The following ARAP2 variants were observed in gnomAD, a reference collection of about 807,000 sequenced individuals.
The protein encoded by ARAP2 is ArfGAP with RhoGAP domain, ankyrin repeat and PH domain 2, also known as arf-GAP with Rho-GAP domain, ANK repeat and PH domain-containing protein 2.
In ARAP2, 148 loss-of-function variants were observed where a neutral mutation model predicts 194.5. That is an observed-to-expected ratio of 0.76 (90% confidence interval 0.67 to 0.87). The LOEUF is 0.87. Among genes scored for constraint, ARAP2 ranks in the 40% least tolerant of loss-of-function variants. ARAP2 has a pLI of 0.00. For synonymous variants in ARAP2, 695 were observed against 683.5 expected (o/e 1.02, Z -0.26); for missense variants, 2,128 against 1,989.7 (o/e 1.07, Z -1.32).
intron 10 of ARAP2, 87 bp downstream of exon 10, chr4:36,166,845 G>A (rs1018457880): frequency 8.9e-6 from 6 of 671,630 alleles, no homozygotes; most frequent in East Asian, 3.0e-5. Context: ...TGGCCTACAA[G>A]AGAAAAATCA....
At chr4:36,194,649 G>A (rs927944235) in intron 6 of ARAP2, among the ~76,000 whole-genome samples, 57 of 152,226 alleles carry the variant, frequency 3.7e-4, no homozygotes, top group African/African-American at 1.2e-3. Flanking sequence ...CATCTATTAT[G>A]CAAGTGAAAC....
chr4:36,039,753 T>C (rs938145461), intron 5 of ARAP2, among the ~76,000 whole-genome samples: 1 of 152,130 alleles, frequency 6.6e-6, no homozygotes, highest in Non-Finnish European at 1.5e-5. Context: ...AGCAAGTCAC[T>C]GTGATAAAGG....
At chr4:36,070,160 GCC>G (rs1726490871) in intron 32 of ARAP2, among the ~76,000 whole-genome samples, 12 of 152,094 alleles carry the variant, frequency 7.9e-5, no homozygotes, top group Admixed American at 5.9e-4. Context: ...TATAATATTA[GCC>G]TAAATTATGT....
chr4:36,092,549 G>A (rs1714011081), intron 27 of ARAP2, among the ~76,000 whole-genome samples: 1 of 152,186 alleles, frequency 6.6e-6, no homozygotes, highest in African/African-American at 2.4e-5. Flanking sequence ...GGCAGAGGTT[G>A]CAGTGAGCTG....
intron 2 of ARAP2, among the ~76,000 whole-genome samples, chr4:36,226,516 C>T (rs1010235176): frequency 6.6e-6 from 1 of 151,926 alleles, no homozygotes; most frequent in Non-Finnish European, 1.5e-5. Context: ...TAAGCCCCCC[C>T]CCACATAATT....
At chr4:36,116,205 T>C (rs921584880) in intron 25 of ARAP2, among the ~76,000 whole-genome samples, 4 of 151,974 alleles carry the variant, frequency 2.6e-5, no homozygotes, top group African/African-American at 7.2e-5. Context: ...TAATGGTGTA[T>C]AGTTACAATT....
At chr4:36,147,795 TCCC>T in intron 17 of ARAP2, 49 bp from the exon 18 acceptor site, 4 of 1,423,350 alleles carry the variant, frequency 2.8e-6, no homozygotes, top group Non-Finnish European at 3.8e-6. Context: ...AAATAGGAAA[TCCC>T]TTCCCTATCT....
chr4:36,243,479 T>C (rs977039978), intron 1 of ARAP2: 1 of 152,050 alleles, frequency 6.6e-6, no homozygotes, highest in Non-Finnish European at 1.5e-5. Flanking sequence ...CTTATTTTCT[T>C]GTGTTTTCCT....
rs753281849 is a variant in ARAP2 at position 36,210,510 on chromosome 4, G to C, written c.1367C>G (p.Thr456Arg). 6.2e-7 allele frequency: 1 copy of C among 1,613,816 alleles called. No individual in the cohort carries two copies. Among genetic ancestry groups the C allele is most frequent in the Admixed American group, 1.7e-5 (1 of 60,006 alleles). ...VNRHSYPLSSTSGNADSSAVS... is the reference protein window; with the variant it reads ...VNRHSYPLSSRSGNADSSAVS... ...GGCTGATGAATCAGCATTTCCACTT[G>C]TTGAGCTTAACGGATAACTGTGCCT... is the stretch of plus-strand genomic sequence containing the variant. The change falls in exon 6 of 33, where the codon ACA (threonine) becomes AGA (arginine). Residue 456 changes from threonine to arginine, a missense_variant. Coordinates refer to ENST00000303965, the MANE Select transcript of ARAP2 (RefSeq NM_015230.4).
chr4:36,186,947 A>G (rs1251239451), intron 8 of ARAP2, among the ~76,000 whole-genome samples: 4 of 152,258 alleles, frequency 2.6e-5, no homozygotes, highest in African/African-American at 7.2e-5. Flanking sequence ...AACACACAAT[A>G]AATGTAATGT....
intron 6 of ARAP2, among the ~76,000 whole-genome samples, chr4:36,203,094 T>C (rs1283895799): frequency 6.6e-6 from 1 of 152,172 alleles, no homozygotes; most frequent in Non-Finnish European, 1.5e-5. Context: ...CCTTCTCCCC[T>C]ACTTCTCACT....
intron 2 of ARAP2, among the ~76,000 whole-genome samples, chr4:36,215,618 G>T (rs767574582): frequency 2.0e-5 from 3 of 152,080 alleles, no homozygotes; most frequent in African/African-American, 7.2e-5. Context: ...ATAATGTCAC[G>T]TACTAGTGAC....
intron 4 of ARAP2, 44 bp from the exon 5 acceptor site, chr4:36,212,531 T>C (rs1225176439): frequency 6.8e-7 from 1 of 1,475,330 alleles, no homozygotes; most frequent in South Asian, 1.2e-5. Flanking sequence ...CTGTTTTGCT[T>C]TTTGGTTTGG....
intron 12 of ARAP2, among the ~76,000 whole-genome samples, chr4:36,161,144 CAA>C (rs869265754): frequency 2.0e-5 from 2 of 101,986 alleles, no homozygotes; most frequent in African/African-American, 5.0e-5. Context: ...CACACACACA[CAA>C]ACACACACAC....
At position 36,119,647 on chromosome 4, in the gene ARAP2, CACTT is replaced by C; in HGVS notation, c.3962_3963+2del. The C allele has an allele frequency of 6.3e-7, 1 of 1,589,214 alleles. No individual in the cohort carries two copies. Among genetic ancestry groups the C allele is most frequent in the Non-Finnish European group, 8.6e-7 (1 of 1,159,704 alleles). On this transcript the variant is annotated splice_donor_variant and coding_sequence_variant, in exon 24 of 33. Transcript: ENST00000303965. LOFTEE classifies it high-confidence loss of function. ...ATTTAGAGATCTAACTATTACTACTCACTTGGGTGTCTTTCCACTTGGTAATAAA... is the reference window on the plus strand; with the variant it reads ...ATTTAGAGATCTAACTATTACTACTCGGGTGTCTTTCCACTTGGTAATAAA...
intron 26 of ARAP2, among the ~76,000 whole-genome samples, chr4:36,113,510 C>T (rs2109500075): frequency 6.6e-6 from 1 of 152,004 alleles, no homozygotes; most frequent in Middle Eastern, 3.4e-3. Flanking sequence ...TTCCTTTTGG[C>T]AGTTTGGCAG....
rs751058949 is a variant in ARAP2, at chr4:36,133,269, A to C, written c.3384T>G (p.Val1128=). The C allele has an allele frequency of 1.2e-6, 2 of 1,611,206 alleles. No individual in the cohort carries two copies. Among genetic ancestry groups the C allele is most frequent in the Non-Finnish European group, 1.7e-6 (2 of 1,178,240 alleles). ...CTATACAGCTGTTCACTATAATGGG[A>C]ACGTCATTTTTGCTGAGCTGCTGAT... ...LQDQQLSKND[V]PIIVNSCIAF... is the part of the protein sequence containing the mutation. Residue 1128 remains valine (V), a synonymous_variant, in exon 20 of 33, where the codon GTT becomes GTG. Transcript: ENST00000303965.
intron 11 of ARAP2, among the ~76,000 whole-genome samples, chr4:36,163,029 T>C (rs1245092907): frequency 6.6e-6 from 1 of 152,216 alleles, no homozygotes; most frequent in Non-Finnish European, 1.5e-5. Context: ...ATTTTTGACA[T>C]GTTACATTTG....
At chr4:36,226,122 G>A (rs1044500258) in intron 2 of ARAP2, among the ~76,000 whole-genome samples, 1 of 151,306 alleles carries the variant, frequency 6.6e-6, no homozygotes, top group African/African-American at 2.4e-5. Context: ...GAAAAGAAAG[G>A]TTAGGATAAG....
Sources: gnomAD v4.1 joint callset for allele counts (sites outside exome capture counted in the v4.1 genomes callset) on GRCh38, gnomAD v4.1.1 for gene constraint, MANE v1.5 for transcripts, NCBI Gene and HGNC (gene_info 2026-07-23, HGNC 2026-07-21) for gene names.